The following LDB2 variants were observed in gnomAD, a reference collection of about 807,000 sequenced individuals.
The protein encoded by LDB2 is LIM domain binding 2.
LDB2 carries 12 observed loss-of-function variants against 44.3 expected under a neutral mutation model. The ratio of observed to expected loss-of-function variants is 0.27; its 90% confidence interval spans 0.17 to 0.44. LDB2 has a LOEUF of 0.44. Ranked by LOEUF, LDB2 falls within the 20% of genes least tolerant of loss-of-function variation. The probability of loss-of-function intolerance (pLI) is 1.00; values close to 1 mark genes in which losing one functional copy is unlikely to be tolerated. For missense variants in LDB2, 344 were observed against 473.5 expected (o/e 0.73, Z 2.54); for synonymous variants, 164 against 174.8 (o/e 0.94, Z 0.49).
At chr4:16,807,662 C>A (rs780452762) in intron 1 of LDB2, among the ~76,000 whole-genome samples, 6 of 152,204 alleles carry the variant, frequency 3.9e-5, no homozygotes, top group Admixed American at 1.3e-4. Context: ...ATGGCCAAGT[C>A]AGTTGTGGAG....
chr4:16,548,721 T>C (rs1736633428), intron 5 of LDB2, among the ~76,000 whole-genome samples: 1 of 152,224 alleles, frequency 6.6e-6, no homozygotes, highest in East Asian at 1.9e-4. Flanking sequence ...CCTAAAGTTC[T>C]CCATTTTAAC....
chr4:16,589,773 C>T (rs1346354984), intron 3 of LDB2, among the ~76,000 whole-genome samples: 1 of 152,076 alleles, frequency 6.6e-6, no homozygotes, highest in Non-Finnish European at 1.5e-5. Flanking sequence ...ACGATTTCTG[C>T]CTTAGGAAAG....
chr4:16,788,153 T>A (rs1293196186), intron 1 of LDB2, among the ~76,000 whole-genome samples: 1 of 152,214 alleles, frequency 6.6e-6, no homozygotes, highest in Non-Finnish European at 1.5e-5. Flanking sequence ...GATATCTGGC[T>A]TTAAGAAAAT....
intron 2 of LDB2, among the ~76,000 whole-genome samples, chr4:16,626,087 T>C (rs890767801): frequency 6.6e-5 from 10 of 152,218 alleles, no homozygotes; most frequent in Non-Finnish European, 1.2e-4. Context: ...ATTATCTTAT[T>C]CTATTGATAG....
chr4:16,883,477 GA>G (rs1393760340), intron 1 of LDB2, among the ~76,000 whole-genome samples: 2 of 152,242 alleles, frequency 1.3e-5, no homozygotes, highest in African/African-American at 4.8e-5. Context: ...AATGGGGCAT[GA>G]ACTACCATGC....
chr4:16,675,199 T>C (rs991055594), intron 2 of LDB2, among the ~76,000 whole-genome samples: 1 of 152,188 alleles, frequency 6.6e-6, no homozygotes, highest in African/African-American at 2.4e-5. Flanking sequence ...TTCATGACTA[T>C]AGTACAAGAT....
Position 16,898,642 on chromosome 4 carries a change from A to G in LDB2, c.-157T>C. On this transcript the variant is annotated 5_prime_UTR_variant, in exon 1 of 8. Transcript: ENST00000304523. ...AGGCAGGCTGAACACGCTGGCTGGGAACTGCTGTCGGAGCCCTCTATAGCA... is the reference window on the plus strand; with the variant it reads ...AGGCAGGCTGAACACGCTGGCTGGGGACTGCTGTCGGAGCCCTCTATAGCA... The G allele has an allele frequency of 2.1e-6, 1 of 474,188 alleles. No individual in the cohort carries two copies. The highest frequency in any genetic ancestry group is 3.6e-6 in the Non-Finnish European group (1 of 274,860). 29.4% of individuals were successfully genotyped at this position (474,188 alleles called of 1,614,324 possible). A position where few individuals can be genotyped will look rare whatever the true frequency, so the allele number is the denominator to read the frequency against.
chr4:16,651,947 A>C (rs1404008082), intron 2 of LDB2, among the ~76,000 whole-genome samples: 1 of 152,088 alleles, frequency 6.6e-6, no homozygotes, highest in Non-Finnish European at 1.5e-5. Flanking sequence ...TAAAACTAGG[A>C]CTTTCCTTTC....
At chr4:16,754,959 C>G (rs796797808) in intron 2 of LDB2, among the ~76,000 whole-genome samples, 6 of 152,228 alleles carry the variant, frequency 3.9e-5, no homozygotes, top group Admixed American at 2.0e-4. Context: ...CACCATCCAG[C>G]CTCTCAGCCC....
chr4:16,588,865 C>T (rs915317684), intron 3 of LDB2, 33 bp from the exon 4 acceptor site: 40 of 1,606,678 alleles, frequency 2.5e-5, no homozygotes, highest in East Asian at 4.5e-5. Flanking sequence ...TCATTCATTA[C>T]GCACTTTGTG....
intron 5 of LDB2, chr4:16,581,340 G>A: frequency 9.2e-6 from 8 of 870,784 alleles, no homozygotes; most frequent in Non-Finnish European, 1.1e-5. Flanking sequence ...CTAGTAAGAA[G>A]ATGATGTTCT....
chr4:16,802,989 C>T (rs1240586236), intron 1 of LDB2, among the ~76,000 whole-genome samples: 1 of 152,150 alleles, frequency 6.6e-6, no homozygotes, highest in Non-Finnish European at 1.5e-5. Flanking sequence ...AGAGACCCCT[C>T]GACCGCTGTC....
At chr4:16,893,186 A>G in intron 1 of LDB2, 2 of 376,798 alleles carry the variant, frequency 5.3e-6, no homozygotes, top group Non-Finnish European at 7.3e-6. Context: ...TTTCCTTTCC[A>G]CCACCCAGCC....
chr4:16,806,457 C>T (rs967309087), intron 1 of LDB2, among the ~76,000 whole-genome samples: 85 of 152,222 alleles, frequency 5.6e-4, no homozygotes, highest in Non-Finnish European at 2.1e-4. Flanking sequence ...GCCCATGGGG[C>T]TGGTCTGAAT....
At chr4:16,879,412 C>T (rs990434313) in intron 1 of LDB2, among the ~76,000 whole-genome samples, 2 of 152,238 alleles carry the variant, frequency 1.3e-5, no homozygotes, top group East Asian at 1.9e-4. Flanking sequence ...GGGTAGAACT[C>T]GCTGTTAGAA....
chr4:16,764,619 C>T (rs553609010), intron 1 of LDB2, among the ~76,000 whole-genome samples: 18 of 152,018 alleles, frequency 1.2e-4, no homozygotes, highest in African/African-American at 4.3e-4. Context: ...TCTAGCTTGG[C>T]CACATGTGAG....
intron 2 of LDB2, among the ~76,000 whole-genome samples, chr4:16,707,197 G>A (rs529682122): frequency 6.6e-6 from 1 of 152,134 alleles, no homozygotes; most frequent in Non-Finnish European, 1.5e-5. Context: ...GAACCCAAAA[G>A]ACAATGTTTT....
At chr4:16,560,101 A>C (rs1741467526) in intron 5 of LDB2, among the ~76,000 whole-genome samples, 2 of 152,246 alleles carry the variant, frequency 1.3e-5, no homozygotes, top group South Asian at 4.2e-4. Flanking sequence ...CTAAATGCCC[A>C]CAAGAGAAAG....
At chr4:16,655,896 C>CTTTTTTTTTTTTTTTTTTTT (rs747097456) in intron 2 of LDB2, among the ~76,000 whole-genome samples, 5 of 93,314 alleles carry the variant, frequency 5.4e-5, no homozygotes, top group Admixed American at 1.6e-4. Context: ...TGCAAGAAAA[C>CTTTTTTTTTTTTTTTTTTTT]TTTTTTTTTT....
Sources: gnomAD v4.1 joint callset for allele counts (sites outside exome capture counted in the v4.1 genomes callset) on GRCh38, gnomAD v4.1.1 for gene constraint, MANE v1.5 for transcripts, NCBI Gene and HGNC (gene_info 2026-07-23, HGNC 2026-07-21) for gene names.